Variants in RTL4 observed in about 807,000 individuals in gnomAD.
The protein encoded by RTL4 is retrotransposon Gag like 4, also known as retrotransposon Gag-like protein 4.
A neutral mutation model predicts 5.3 loss-of-function variants in RTL4; 4 were observed. The ratio of observed to expected loss-of-function variants is 0.75; its 90% confidence interval spans 0.37 to 1.72. RTL4 has a LOEUF of 1.72. RTL4 is among the 40% of genes most tolerant of loss of function. RTL4 has a pLI of 0.04. For missense variants in RTL4, 260 were observed against 227.1 expected, an observed-to-expected ratio of 1.14 and a Z score of -0.93; for synonymous variants, 98 against 87.3, an observed-to-expected ratio of 1.12 and a Z score of -0.68.
At chrX:112,127,074 A>G in the RTL4 span, among the ~76,000 whole-genome samples, 2 of 111,927 alleles carry the variant, frequency 1.8e-5, no homozygotes, top group Non-Finnish European at 3.8e-5. Context: ...ATTTTATGAT[A>G]CCAGCATTAC....
the RTL4 span, among the ~76,000 whole-genome samples, chrX:112,156,288 C>G: frequency 1.8e-5 from 2 of 112,395 alleles, no homozygotes; most frequent in African/African-American, 6.5e-5. Context: ...AAAAAGCTAA[C>G]TTATTTGAAA....
chrX:112,452,690 G>A (rs1311537731), upstream of RTL4, among the ~76,000 whole-genome samples: 3 of 111,706 alleles, frequency 2.7e-5, no homozygotes, highest in East Asian at 8.5e-4. Context: ...GCCACTCAGA[G>A]CACCAATCTG....
chrX:112,111,382 G>C, the RTL4 span, among the ~76,000 whole-genome samples: 1 of 111,180 alleles, frequency 9.0e-6, no homozygotes, highest in South Asian at 3.8e-4. Context: ...GTCTTTCCCT[G>C]TCTCTGCTAG....
At chrX:112,196,630 C>G in the RTL4 span, among the ~76,000 whole-genome samples, 2 of 111,560 alleles carry the variant, frequency 1.8e-5, no homozygotes, top group Admixed American at 9.5e-5. Context: ...TCTTCTGCAT[C>G]CTTGCCAACA....
chrX:112,143,334 A>G, the RTL4 span, among the ~76,000 whole-genome samples: 1 of 111,166 alleles, frequency 9.0e-6, no homozygotes, highest in Non-Finnish European at 1.9e-5. Context: ...TAGATTTTAA[A>G]TAAGTAGGTC....
the RTL4 span, among the ~76,000 whole-genome samples, chrX:112,139,625 C>T: frequency 4.5e-5 from 5 of 112,171 alleles, no homozygotes; most frequent in South Asian, 7.4e-4. Flanking sequence ...TTGAATTATT[C>T]GGTAAGGAAG....
At chrX:112,307,262 C>T in the RTL4 span, among the ~76,000 whole-genome samples, 1 of 111,964 alleles carries the variant, frequency 8.9e-6, no homozygotes, top group South Asian at 3.7e-4. Context: ...CTGTGTAGAA[C>T]TCTTATTGTG....
the RTL4 span, among the ~76,000 whole-genome samples, chrX:112,313,728 T>C: frequency 9.1e-6 from 1 of 109,422 alleles, no homozygotes. Context: ...CCAAATTCAG[T>C]TATAGCGCTT....
At chrX:112,088,387 A>C in the RTL4 span, among the ~76,000 whole-genome samples, 1 of 111,695 alleles carries the variant, frequency 9.0e-6, no homozygotes, top group Admixed American at 9.5e-5. Flanking sequence ...TATAATCAGT[A>C]CTTAATTTCT....
chrX:112,124,454 A>C, the RTL4 span, among the ~76,000 whole-genome samples: 18 of 112,201 alleles, frequency 1.6e-4, no homozygotes, highest in African/African-American at 5.5e-4. Flanking sequence ...GATAAAAAAA[A>C]ATGTGGTACA....
the RTL4 span, among the ~76,000 whole-genome samples, chrX:112,262,700 AC>A: frequency 3.6e-5 from 4 of 111,474 alleles, no homozygotes; most frequent in Non-Finnish European, 7.5e-5. Context: ...CTGGGTATAT[AC>A]CCAAAGGATT....
chrX:112,228,654 C>T, the RTL4 span, among the ~76,000 whole-genome samples: 2 of 111,823 alleles, frequency 1.8e-5, no homozygotes, highest in Non-Finnish European at 3.8e-5. Flanking sequence ...CTTATAACTG[C>T]AAGTGTGTAT....
chrX:112,301,965 G>GAAA, the RTL4 span, among the ~76,000 whole-genome samples: 1 of 80,657 alleles, frequency 1.2e-5, no homozygotes, highest in African/African-American at 4.6e-5. Flanking sequence ...CCCTGTCAAA[G>GAAA]AAAAAAAAAA....
chrX:112,372,294 G>C, the RTL4 span, among the ~76,000 whole-genome samples: 1 of 111,492 alleles, frequency 9.0e-6, no homozygotes, highest in Non-Finnish European at 1.9e-5. Flanking sequence ...ATGTTATATA[G>C]TGTAGCAGTA....
the RTL4 span, among the ~76,000 whole-genome samples, chrX:112,263,509 G>T: frequency 8.9e-6 from 1 of 111,996 alleles, no homozygotes; most frequent in Non-Finnish European, 1.9e-5. Flanking sequence ...TTTACTCTCT[G>T]CTTCCATAAG....
the RTL4 span, among the ~76,000 whole-genome samples, chrX:112,184,999 T>C: frequency 9.0e-6 from 1 of 111,534 alleles, no homozygotes; most frequent in South Asian, 3.8e-4. Flanking sequence ...AGGCCAATGG[T>C]TATAGTCTCC....
the RTL4 span, among the ~76,000 whole-genome samples, chrX:112,400,269 G>T: frequency 9.0e-6 from 1 of 111,236 alleles, no homozygotes. Context: ...CTATTTTCCC[G>T]AATATTATCT....
chrX:112,342,195 A>G, the RTL4 span, among the ~76,000 whole-genome samples: 1 of 111,332 alleles, frequency 9.0e-6, no homozygotes, highest in African/African-American at 3.3e-5. Flanking sequence ...GAGTCATGGT[A>G]TCTACCATAC....
At chrX:112,367,444 T>TTAA in the RTL4 span, among the ~76,000 whole-genome samples, 16 of 112,065 alleles carry the variant, frequency 1.4e-4, no homozygotes, top group Non-Finnish European at 2.8e-4. Context: ...TGCTTAATGA[T>TTAA]GGCATTAAGT....
Sources: allele counts gnomAD v4.1 joint callset (sites outside exome capture counted in the v4.1 genomes callset), GRCh38; gene constraint gnomAD v4.1.1; transcripts MANE v1.5; gene names NCBI Gene and HGNC (gene_info 2026-07-23, HGNC 2026-07-21).